SLIT3: variants seen among roughly 807,000 people sequenced by gnomAD.
SLIT3 encodes slit homolog 3 protein.
Under a neutral mutation model 184.0 loss-of-function variants are expected in SLIT3, and 68 were observed. The observed-to-expected ratio is 0.37, with a 90% CI of 0.30 to 0.45. SLIT3 has a LOEUF of 0.45. Among genes scored for constraint, SLIT3 ranks in the 20% least tolerant of loss-of-function variants. The pLI, the probability that SLIT3 is intolerant of heterozygous loss-of-function variation, is 1.00. For missense variants in SLIT3, 1,707 were observed against 2,026.0 expected (o/e 0.84, Z 3.02); for synonymous variants, 831 against 828.6 (o/e 1.00, Z -0.05).
intron 4 of SLIT3, among the ~76,000 whole-genome samples, chr5:169,146,651 CT>C (rs570722541): frequency 2.1e-4 from 32 of 152,288 alleles, no homozygotes; most frequent in Admixed American, 1.9e-3. Flanking sequence ...CCCTGCTTCT[CT>C]AAGCTCTTCC....
chr5:169,119,965 G>A (rs1311612736), intron 4 of SLIT3: 2 of 152,280 alleles, frequency 1.3e-5, no homozygotes, highest in Admixed American at 6.5e-5. Flanking sequence ...TGGGAGGCCA[G>A]TAATAACCCT....
chr5:168,880,699 A>G (rs899136959), intron 5 of SLIT3, among the ~76,000 whole-genome samples: 1 of 152,222 alleles, frequency 6.6e-6, no homozygotes, highest in African/African-American at 2.4e-5. Context: ...ATAGGCTTAG[A>G]AGTGTCAAGT....
intron 1 of SLIT3, among the ~76,000 whole-genome samples, chr5:169,291,547 C>T (rs1483205000): frequency 1.3e-5 from 2 of 152,084 alleles, no homozygotes; most frequent in Admixed American, 1.3e-4. Context: ...CACAGGGATC[C>T]CATTAGTCTT....
chr5:168,835,388 T>G (rs1758016427), intron 6 of SLIT3, among the ~76,000 whole-genome samples: 1 of 152,122 alleles, frequency 6.6e-6, no homozygotes, highest in Non-Finnish European at 1.5e-5. Flanking sequence ...TAGAGCTTTT[T>G]GACAATGAGT....
chr5:169,224,363 T>A (rs1764720809), intron 3 of SLIT3, among the ~76,000 whole-genome samples: 1 of 135,216 alleles, frequency 7.4e-6, no homozygotes, highest in African/African-American at 2.7e-5. Context: ...TTTAAAATTT[T>A]TTATTATTTA....
intron 4 of SLIT3, among the ~76,000 whole-genome samples, chr5:169,003,452 C>T (rs1311806874): frequency 6.6e-6 from 1 of 152,148 alleles, no homozygotes; most frequent in African/African-American, 2.4e-5. Context: ...TCCTCCGATA[C>T]CCTAGTTCTT....
chr5:168,706,570 T>A (rs909727991), intron 26 of SLIT3: 2 of 152,190 alleles, frequency 1.3e-5, no homozygotes, highest in Admixed American at 6.5e-5. Context: ...TAGTTCTCTT[T>A]TGAATCATCA....
intron 4 of SLIT3, among the ~76,000 whole-genome samples, chr5:168,898,472 A>G (rs547990119): frequency 6.6e-6 from 1 of 152,024 alleles, no homozygotes; most frequent in South Asian, 2.1e-4. Flanking sequence ...AGATATAAAA[A>G]TGGTCCTGGC....
chr5:169,198,905 C>A (rs912950039), intron 3 of SLIT3, among the ~76,000 whole-genome samples: 8 of 151,494 alleles, frequency 5.3e-5, no homozygotes, highest in African/African-American at 1.9e-4. Context: ...GCAAGCCAGC[C>A]TGGGCAACAG....
rs761159610 is a variant in SLIT3 at position 168,760,832 on chromosome 5, G to A, written c.1685+30C>T. 1.9e-6 allele frequency: 3 copies of A among 1,549,246 alleles called. No homozygotes were observed. In the East Asian group the frequency reaches 6.7e-5, roughly 35 times the overall value. On this transcript the variant is annotated intron_variant, in intron 16 of 35. Transcript: ENST00000519560. The stretch of plus-strand genomic sequence containing the variant: ...CACAGGCTCTGGCTAGAGAACAGAG[G>A]CTGCTGCCAAGTTCCTGAAGTTGAC...
intron 3 of SLIT3, among the ~76,000 whole-genome samples, chr5:169,216,111 C>G (rs1764426489): frequency 6.6e-6 from 1 of 152,184 alleles, no homozygotes; most frequent in African/African-American, 2.4e-5. Context: ...TGCCTGGAAT[C>G]CAGCCCCTGG....
chr5:168,753,173 T>A (rs370705604), intron 17 of SLIT3, 75 bp from the exon 18 acceptor site: 1 of 1,511,024 alleles, frequency 6.6e-7, no homozygotes. Flanking sequence ...CGGTGGTGTG[T>A]GTGTGTGTAT....
chr5:168,920,573 T>G (rs1358640199), intron 4 of SLIT3, among the ~76,000 whole-genome samples: 1 of 152,150 alleles, frequency 6.6e-6, no homozygotes, highest in Admixed American at 6.5e-5. Context: ...ACTTCCTTAT[T>G]CAGTTTTAAT....
intron 6 of SLIT3, among the ~76,000 whole-genome samples, chr5:168,828,734 C>A (rs1029856457): frequency 5.3e-5 from 8 of 150,932 alleles, no homozygotes; most frequent in African/African-American, 2.0e-4. Flanking sequence ...GTTAGAAATG[C>A]ATATGCTCAA....
chr5:168,780,427 T>G (rs1755929523), intron 12 of SLIT3, among the ~76,000 whole-genome samples: 1 of 152,256 alleles, frequency 6.6e-6, no homozygotes, highest in Admixed American at 6.5e-5. Context: ...TCTGTTTCTG[T>G]TTCATGAACA....
Position 168,862,967 on chromosome 5 carries a change from G to A in SLIT3, c.486-18312C>T, listed in dbSNP as rs528131390. Reference sequence around the variant, plus strand: ...TGGGATTACAGGCATGAGCCGCTGCGCCCAGACTGAACATTGGGTTTTATC... The same window carrying A: ...TGGGATTACAGGCATGAGCCGCTGCACCCAGACTGAACATTGGGTTTTATC... On this transcript the variant is annotated intron_variant, in intron 5 of 35. Transcript: ENST00000519560. Among the ~76,000 whole-genome samples the A allele has an allele frequency of 1.2e-3, 177 of 152,274 alleles. 1 individual carries two copies. The highest frequency in any genetic ancestry group is 3.9e-3 in the African/African-American group (164 of 41,560).
chr5:169,229,183 G>A (rs1764907228), intron 3 of SLIT3, among the ~76,000 whole-genome samples: 1 of 151,942 alleles, frequency 6.6e-6, no homozygotes, highest in Non-Finnish European at 1.5e-5. Context: ...TCCTTGTTAT[G>A]CTTTGAAATG....
chr5:169,253,737 C>T (rs1765854355), intron 1 of SLIT3, among the ~76,000 whole-genome samples: 1 of 152,208 alleles, frequency 6.6e-6, no homozygotes, highest in African/African-American at 2.4e-5. Context: ...CAGAAGCTGA[C>T]AGCCCCATAC....
At chr5:168,797,501 T>A (rs1219605667) in intron 9 of SLIT3, among the ~76,000 whole-genome samples, 1 of 152,220 alleles carries the variant, frequency 6.6e-6, no homozygotes, top group Admixed American at 6.5e-5. Flanking sequence ...GCACTGGGTG[T>A]GAGGTCTGTG....
Sources: gnomAD v4.1 joint callset for allele counts (sites outside exome capture counted in the v4.1 genomes callset) on GRCh38, gnomAD v4.1.1 for gene constraint, MANE v1.5 for transcripts, NCBI Gene and HGNC (gene_info 2026-07-23, HGNC 2026-07-21) for gene names.